EFCAB14: variants seen among roughly 807,000 people sequenced by gnomAD.
The protein encoded by EFCAB14 is EF-hand calcium-binding domain-containing protein 14.
In EFCAB14, 43 loss-of-function variants were observed where a neutral mutation model predicts 56.5. The ratio of observed to expected loss-of-function variants is 0.76; its 90% CI spans 0.60 to 0.98. The LOEUF is 0.98. Ranked by LOEUF, EFCAB14 falls within the 50% of genes least tolerant of loss-of-function variation. The probability of loss-of-function intolerance (pLI) is 0.00; values close to 1 mark genes in which losing one functional copy is unlikely to be tolerated. For synonymous variants in EFCAB14, 235 were observed against 212.9 expected, an observed-to-expected ratio of 1.10 and a Z score of -0.90; for missense variants, 538 against 580.3, an observed-to-expected ratio of 0.93 and a Z score of 0.75.
intron 8 of EFCAB14, among the ~76,000 whole-genome samples, chr1:46,685,548 T>C (rs1676867704): frequency 6.6e-6 from 1 of 152,218 alleles, no homozygotes; most frequent in Non-Finnish European, 1.5e-5. Context: ...ACTAAATGTT[T>C]GAAGAACTAA....
chr1:46,716,492 A>G, intron 1 of EFCAB14, 49 bp from the exon 2 acceptor site: 2 of 1,600,280 alleles, frequency 1.2e-6, no homozygotes, highest in Non-Finnish European at 8.5e-7. Context: ...GATTATGGGT[A>G]TAGCTTTATT....
chr1:46,700,879 TA>T (rs1677144276), intron 3 of EFCAB14, among the ~76,000 whole-genome samples: 1 of 152,014 alleles, frequency 6.6e-6, no homozygotes, highest in South Asian at 2.1e-4. Flanking sequence ...TAATTCATAC[TA>T]AAAACTATTA....
intron 2 of EFCAB14, among the ~76,000 whole-genome samples, chr1:46,715,298 T>C (rs1677370875): frequency 6.6e-6 from 1 of 152,120 alleles, no homozygotes; most frequent in African/African-American, 2.4e-5. Flanking sequence ...CAGACAGTAG[T>C]GTTATAAATG....
chr1:46,706,274 G>C (rs999918640), intron 3 of EFCAB14, among the ~76,000 whole-genome samples: 2 of 152,182 alleles, frequency 1.3e-5, no homozygotes, highest in East Asian at 1.9e-4. Context: ...GAGATTTACT[G>C]TATCTGCCTT....
rs1677079837 is a variant in EFCAB14 at position 46,696,545 on chromosome 1, A to C, written c.579+6T>G. The C allele has an allele frequency of 6.2e-7, 1 of 1,612,658 alleles. No homozygotes were observed. The highest frequency in any genetic ancestry group is 1.1e-5 in the South Asian group (1 of 91,012). ...TGAAGTCTCTGTACCCACACATGGCACCTACCTTCTGAAGTCCCTCTACAG... is the reference window on the plus strand; with the variant it reads ...TGAAGTCTCTGTACCCACACATGGCCCCTACCTTCTGAAGTCCCTCTACAG... On this transcript the variant is annotated splice_donor_region_variant and intron_variant, in intron 4 of 10. Transcript: ENST00000371933.
At chr1:46,706,085 T>C (rs1677229641) in intron 3 of EFCAB14, among the ~76,000 whole-genome samples, 2 of 152,334 alleles carry the variant, frequency 1.3e-5, no homozygotes, top group Admixed American at 1.3e-4. Context: ...CAGGCTGATC[T>C]GGAACTCCTT....
intron 3 of EFCAB14, among the ~76,000 whole-genome samples, chr1:46,705,247 G>A (rs1677217603): frequency 6.6e-6 from 1 of 152,172 alleles, no homozygotes; most frequent in East Asian, 1.9e-4. Context: ...TGCGCTCATG[G>A]TGAAGTCCTC....
chr1:46,690,829 C>CT (rs1445203148), intron 5 of EFCAB14, among the ~76,000 whole-genome samples: 1 of 150,540 alleles, frequency 6.6e-6, no homozygotes, highest in Non-Finnish European at 1.5e-5. Context: ...CTAGAGCTCT[C>CT]TAATATAGCC....
Position 46,718,336 on chromosome 1 carries a change from A to G in EFCAB14, c.-249T>C. The G allele has an allele frequency of 2.2e-6, 1 of 449,274 alleles. No individual in the cohort carries two copies. The highest frequency in any genetic ancestry group is 3.8e-5 in the East Asian group (1 of 26,644). The allele number at this position is 449,274 out of a possible 1,614,324, so 27.8% of individuals were successfully genotyped here. On this transcript the variant is annotated 5_prime_UTR_variant, in exon 1 of 11. Coordinates refer to ENST00000371933, the MANE Select transcript of EFCAB14 (RefSeq NM_014774.3). ...AATGGCCAAGGAGCTGGTGACCCCA[A>G]AGGATAAGGCCTTGGGTGCAGAGTG...
intron 2 of EFCAB14, among the ~76,000 whole-genome samples, chr1:46,715,387 A>C (rs1365699271): frequency 6.6e-6 from 1 of 152,210 alleles, no homozygotes; most frequent in African/African-American, 2.4e-5. Context: ...AATCCTTCTA[A>C]GAGCACAAAA....
At chr1:46,704,157 A>T (rs1557448120) in intron 3 of EFCAB14, among the ~76,000 whole-genome samples, 1 of 152,064 alleles carries the variant, frequency 6.6e-6, no homozygotes, top group South Asian at 2.1e-4. Flanking sequence ...ATCTGATTAT[A>T]AGATCCTTGA....
chr1:46,693,287 A>C (rs1443320555), intron 4 of EFCAB14, among the ~76,000 whole-genome samples: 1 of 152,376 alleles, frequency 6.6e-6, no homozygotes, highest in Non-Finnish European at 1.5e-5. Context: ...ACATGCTGAC[A>C]GTTTTACAGT....
chr1:46,712,292 C>T (rs1410438832), intron 2 of EFCAB14, among the ~76,000 whole-genome samples: 1 of 152,156 alleles, frequency 6.6e-6, no homozygotes, highest in Non-Finnish European at 1.5e-5. Flanking sequence ...TTTATTTATA[C>T]TTTTCCAAAT....
intron 8 of EFCAB14, chr1:46,685,265 A>G (rs1676862153): frequency 6.6e-6 from 1 of 152,278 alleles, no homozygotes; most frequent in Non-Finnish European, 1.5e-5. Flanking sequence ...CAAGAGTGGC[A>G]TATACAAATA....
intron 2 of EFCAB14, among the ~76,000 whole-genome samples, chr1:46,714,370 C>T (rs994568090): frequency 6.7e-6 from 1 of 149,920 alleles, no homozygotes; most frequent in Non-Finnish European, 1.5e-5. Flanking sequence ...TAAGTTGAAA[C>T]TGGTTCCTTT....
Position 46,688,418 on chromosome 1 carries a change from G to A in EFCAB14, c.922C>T (p.Leu308=). ...ATAGCAACCACATCGCTTTCTATCA[G>A]GTTGACTCTCTGGGTAAGATTACTG... The part of the protein sequence containing the change: ...TVSNLTQRVN[L]IESDVVAMSK... Residue 308 remains leucine (L), a synonymous_variant, in exon 7 of 11, where the codon CTG becomes TTG. Transcript: ENST00000371933. 6.2e-7 allele frequency: 1 copy of A among 1,613,958 alleles called. No homozygotes were observed. Among genetic ancestry groups the A allele is most frequent in the South Asian group, 1.1e-5 (1 of 91,074 alleles).
At chr1:46,685,942 G>A (rs967483924) in intron 8 of EFCAB14, among the ~76,000 whole-genome samples, 6 of 152,222 alleles carry the variant, frequency 3.9e-5, no homozygotes, top group Admixed American at 2.0e-4. Flanking sequence ...AAACTATTAA[G>A]GTAGGAAAAA....
Position 46,718,949 on chromosome 1 carries a change from G to T in EFCAB14, c.-862C>A. 6.5e-6 allele frequency: 1 copy of T among 153,000 alleles called. No individual in the cohort carries two copies. Among genetic ancestry groups the T allele is most frequent in the South Asian group, 1.9e-4 (1 of 5,318 alleles). The allele number at this position is 153,000 out of a possible 1,614,324, so 9.5% of individuals were successfully genotyped here. The stretch of plus-strand genomic sequence containing the variant: ...GAGGTCTCCGGCACGGGCAACTCTC[G>T]GCCACTCACACGCGCAGGCCCCACT... On this transcript the variant is annotated 5_prime_UTR_variant, in exon 1 of 11. Coordinates refer to ENST00000371933, the MANE Select transcript of EFCAB14 (RefSeq NM_014774.3).
chr1:46,698,149 G>T (rs72898800), intron 3 of EFCAB14, among the ~76,000 whole-genome samples: 3,090 of 152,214 alleles, frequency 0.02, 92 homozygotes, highest in African/African-American at 0.071. Context: ...CACCATGTCC[G>T]GCTATGCAAA....
Sources: allele counts gnomAD v4.1 joint callset (sites outside exome capture counted in the v4.1 genomes callset), GRCh38; gene constraint gnomAD v4.1.1; transcripts MANE v1.5; gene names NCBI Gene and HGNC (gene_info 2026-07-23, HGNC 2026-07-21).